The following MVK variants were observed in gnomAD, a reference collection of about 807,000 sequenced individuals.
The protein encoded by MVK is LH receptor mRNA-binding protein.
A neutral mutation model predicts 43.2 loss-of-function variants in MVK; 34 were observed. The ratio of observed to expected loss-of-function variants is 0.79; its 90% confidence interval spans 0.60 to 1.05. MVK has a LOEUF of 1.05. MVK is among the 50% of genes least tolerant of loss of function. The probability of loss-of-function intolerance (pLI) is 0.00; values close to 1 mark genes in which losing one functional copy is unlikely to be tolerated. For synonymous variants in MVK, 190 were observed against 219.8 expected, an observed-to-expected ratio of 0.86 and a Z score of 1.20; for missense variants, 395 against 504.0, an observed-to-expected ratio of 0.78 and a Z score of 2.07.
chr12:109,591,219 C>G, intron 8 of MVK, 22 bp from the exon 9 acceptor site: 1 of 1,610,186 alleles, frequency 6.2e-7, no homozygotes, highest in African/African-American at 1.3e-5. Flanking sequence ...CCTCACCAGC[C>G]GTTCCTTCTT....
chr12:109,583,547 T>C (rs982728018), intron 5 of MVK, among the ~76,000 whole-genome samples: 4 of 152,346 alleles, frequency 2.6e-5, no homozygotes, highest in South Asian at 2.1e-4. Flanking sequence ...TGAATAGTGC[T>C]GCAATAAACA....
In MVK at chr12:109,596,676, C is replaced by T; in HGVS notation, c.*99C>T. 1.3e-6 allele frequency: 2 copies of T among 1,497,552 alleles called. No individual in the cohort carries two copies. Among genetic ancestry groups the T allele is most frequent in the South Asian group, 2.3e-5 (2 of 85,888 alleles). 92.8% of individuals were successfully genotyped at this position (1,497,552 alleles called of 1,614,324 possible). A position where few individuals can be genotyped will look rare whatever the true frequency, so the allele number is the denominator to read the frequency against. The stretch of plus-strand genomic sequence containing the variant: ...GTGCTGGCCAGCGAGCGCCCAGCTC[C>T]TGACACTGCTGGAGAGGCCCCAGCC... On this transcript the variant is annotated 3_prime_UTR_variant, in exon 11 of 11. Coordinates refer to ENST00000228510, the MANE Select transcript of MVK (RefSeq NM_000431.4).
intron 7 of MVK, among the ~76,000 whole-genome samples, chr12:109,587,418 C>T (rs908438828): frequency 3.9e-5 from 6 of 152,202 alleles, no homozygotes; most frequent in African/African-American, 1.4e-4. Flanking sequence ...TCAGCATTCT[C>T]TGTTCTGTTT....
At chr12:109,593,866 C>A (rs543175356) in intron 9 of MVK, among the ~76,000 whole-genome samples, 1 of 151,702 alleles carries the variant, frequency 6.6e-6, no homozygotes, top group Non-Finnish European at 1.5e-5. Context: ...TACAGGCACA[C>A]GCCAACATAC....
intron 9 of MVK, among the ~76,000 whole-genome samples, chr12:109,591,998 CT>C (rs1183361049): frequency 6.6e-6 from 1 of 152,188 alleles, no homozygotes; most frequent in East Asian, 1.9e-4. Context: ...AGTATTAGCA[CT>C]TTGGGAGGCC....
intron 2 of MVK, 109 bp from the exon 3 acceptor site, chr12:109,575,889 A>G: frequency 1.5e-6 from 2 of 1,318,984 alleles, no homozygotes; most frequent in Non-Finnish European, 2.2e-6. Context: ...TGGCAAGGGC[A>G]TGGCTAGGAG....
intron 3 of MVK, 85 bp downstream of exon 3, chr12:109,576,230 G>A: frequency 6.4e-7 from 1 of 1,552,768 alleles, no homozygotes; most frequent in Non-Finnish European, 8.8e-7. Flanking sequence ...CCCCAAGGGA[G>A]CCAGGGGCCA....
At position 109,596,406 on chromosome 12, in the gene MVK, C is replaced by T; in HGVS notation, c.1040-20C>T. 6.2e-7 allele frequency: 1 copy of T among 1,611,466 alleles called. No individual in the cohort carries two copies. The highest frequency in any genetic ancestry group is 1.6e-4 in the Middle Eastern group (1 of 6,062). ...CGGAGCGGAGAGTTGTCAAGGGTGA[C>T]CTGCCTTCCCTCCCCGCAGGGCTGG... On this transcript the variant is annotated intron_variant, in intron 10 of 10. Coordinates refer to ENST00000228510, the MANE Select transcript of MVK (RefSeq NM_000431.4).
At chr12:109,593,716 A>ATTTT (rs33948292) in intron 9 of MVK, among the ~76,000 whole-genome samples, 3,807 of 110,288 alleles carry the variant, frequency 0.035, 430 homozygotes, top group African/African-American at 0.12. Flanking sequence ...AAAGAAGCAG[A>ATTTT]TTTTTTTTTT....
upstream of MVK, chr12:109,573,565 C>T: frequency 3.4e-6 from 5 of 1,480,386 alleles, no homozygotes; most frequent in Non-Finnish European, 4.6e-6. Context: ...GCCGCGCCAC[C>T]GCTCAGGTTT....
rs201413000 is a variant in MVK, at chr12:109,577,205, T to A, written c.226+1060T>A. ...GCACTGTGAAGATTTCATCCACTCA[T>A]AAGCAGGCCAGCTTTTTCCATCAGT... On this transcript the variant is annotated intron_variant, in intron 3 of 10. Coordinates refer to ENST00000228510, the MANE Select transcript of MVK (RefSeq NM_000431.4). 2.9e-4 allele frequency among the ~76,000 whole-genome samples: 44 copies of A among 152,356 alleles called. No homozygotes were observed. In the East Asian group the frequency reaches 7.7e-3, roughly 27 times the overall value.
At chr12:109,593,158 C>A (rs1247273340) in intron 9 of MVK, among the ~76,000 whole-genome samples, 1 of 152,252 alleles carries the variant, frequency 6.6e-6, no homozygotes, top group South Asian at 2.1e-4. Flanking sequence ...CAACGTGACA[C>A]CTGGTGCTCA....
rs1884780951 is a variant in MVK at position 109,573,825 on chromosome 12, C to T, written c.-63C>T. 8.3e-6 allele frequency: 2 copies of T among 239,812 alleles called. No homozygotes were observed. The highest frequency in any genetic ancestry group is 2.3e-5 in the African/African-American group (1 of 42,882). 14.9% of individuals were successfully genotyped at this position (239,812 alleles called of 1,614,324 possible). A position where few individuals can be genotyped will look rare whatever the true frequency, so the allele number is the denominator to read the frequency against. On this transcript the variant is annotated 5_prime_UTR_variant, in exon 1 of 11. Transcript: ENST00000228510. ...GGTTGTGGGAGTTGGGGAGCTGCTC[C>T]GGCTTCGGCGCGGAGGGGCGGCGGC...
chr12:109,590,818 A>G lies in MVK; in HGVS notation c.725A>G (p.Asn242Ser). 6.2e-7 allele frequency: 1 copy of G among 1,614,126 alleles called. No individual in the cohort carries two copies. The highest frequency in any genetic ancestry group is 8.5e-7 in the Non-Finnish European group (1 of 1,180,028). Residue 242 changes from asparagine to serine, a missense_variant, in exon 8 of 11, where the codon AAT becomes AGT. Transcript: ENST00000228510. ...CTGACCAACACCAAAGTCCCTCGCA[A>G]TACCAGGGCCCTTGTGGCTGGCGTC... ...ILLTNTKVPR[N>S]TRALVAGVRN... is the part of the protein sequence containing the mutation.
chr12:109,594,878 A>G (rs1885845725), intron 9 of MVK, 150 bp from the exon 10 acceptor site: 1 of 858,870 alleles, frequency 1.2e-6, no homozygotes, highest in Admixed American at 2.1e-5. Context: ...GGATTCTTTT[A>G]CAAGTGGAGA....
intron 3 of MVK, 82 bp downstream of exon 3, chr12:109,576,227 G>A: frequency 6.4e-7 from 1 of 1,565,834 alleles, no homozygotes; most frequent in Non-Finnish European, 8.8e-7. Context: ...TGTCCCCAAG[G>A]GAGCCAGGGG....
intron 7 of MVK, chr12:109,588,905 A>T (rs1885556759): frequency 6.6e-6 from 1 of 152,358 alleles, no homozygotes; most frequent in Non-Finnish European, 1.5e-5. Flanking sequence ...CTACAAAGAG[A>T]AGGAGGGGTC....
upstream of MVK, chr12:109,573,595 G>T (rs758285480): frequency 7.9e-7 from 1 of 1,265,900 alleles, no homozygotes; most frequent in Non-Finnish European, 1.1e-6. Context: ...TTGGTTCGCA[G>T]TTCTCACCCC....
chr12:109,581,580 C>T (rs1885222003), intron 5 of MVK, 30 bp downstream of exon 5: 1 of 1,614,098 alleles, frequency 6.2e-7, no homozygotes, highest in Non-Finnish European at 8.5e-7. Flanking sequence ...GGCCAGTGTC[C>T]CTCCCGCACG....
Sources: allele counts gnomAD v4.1 joint callset (sites outside exome capture counted in the v4.1 genomes callset), GRCh38; gene constraint gnomAD v4.1.1; transcripts MANE v1.5; gene names NCBI Gene and HGNC (gene_info 2026-07-23, HGNC 2026-07-21).